EFCAB5: variants seen among roughly 807,000 people sequenced by gnomAD.
EFCAB5 encodes EF-hand calcium-binding domain-containing protein 5.
EFCAB5 carries 131 observed loss-of-function variants against 167.9 expected under a neutral mutation model. The ratio of observed to expected loss-of-function variants is 0.78; its 90% CI spans 0.68 to 0.90. EFCAB5 has a LOEUF of 0.90. Among genes scored for constraint, EFCAB5 ranks in the 40% least tolerant of loss-of-function variants. EFCAB5 has a pLI of 0.00. For missense variants in EFCAB5, 1,663 were observed against 1,745.2 expected, an observed-to-expected ratio of 0.95 and a Z score of 0.84; for synonymous variants, 574 against 602.8, an observed-to-expected ratio of 0.95 and a Z score of 0.70.
At chr17:30,003,828 G>A (rs1451491774) in intron 7 of EFCAB5, among the ~76,000 whole-genome samples, 2 of 152,080 alleles carry the variant, frequency 1.3e-5, no homozygotes, top group Non-Finnish European at 2.9e-5. Flanking sequence ...CATTCAAGTT[G>A]AGATTTTCCT....
chr17:30,068,555 A>C, intron 14 of EFCAB5: 1 of 796,882 alleles, frequency 1.3e-6, no homozygotes, highest in East Asian at 2.7e-5. Context: ...AATATTGTGA[A>C]AATGACCATA....
In EFCAB5 at chr17:30,107,934, A is replaced by G. The variant is rs2071470941; in HGVS notation, c.4422A>G (p.Gln1474=). Residue 1474 remains glutamine, a synonymous_variant, in exon 23 of 23, where the codon CAA becomes CAG. Coordinates refer to ENST00000394835, the MANE Select transcript of EFCAB5 (RefSeq NM_198529.4). ...ICSALMKITK[Q]LNSGITPPLP... ...CAGCTCTCATGAAGATAACCAAACA[A>G]CTAAATAGTGGTATTACACCTCCGT... The G allele has an allele frequency of 1.2e-6, 2 of 1,612,134 alleles. No individual in the cohort carries two copies. The highest frequency in any genetic ancestry group is 1.7e-4 in the Middle Eastern group (1 of 6,056).
chr17:30,042,741 A>C (rs1482360098), intron 8 of EFCAB5, among the ~76,000 whole-genome samples: 1 of 152,212 alleles, frequency 6.6e-6, no homozygotes, highest in Non-Finnish European at 1.5e-5. Flanking sequence ...AAATCTACAT[A>C]AACTCTTTGA....
chr17:30,011,002 G>A (rs1211699134), intron 7 of EFCAB5, among the ~76,000 whole-genome samples: 2 of 152,268 alleles, frequency 1.3e-5, no homozygotes. Flanking sequence ...TTCAGTTTAA[G>A]CTTTCTACAT....
Position 30,078,279 on chromosome 17 carries a change from A to G in EFCAB5, c.2802A>G (p.Gln934=), listed in dbSNP as rs756509063. 7.4e-6 allele frequency: 12 copies of G among 1,613,984 alleles called. No homozygotes were observed. The highest frequency in any genetic ancestry group is 1.0e-5 in the Non-Finnish European group (12 of 1,179,868). ...PGHEVRLSSK[Q]FQNYIELVVS... ...ACGAAGTGAGATTGTCTTCAAAACA[A>G]TTTCAGAATTACATAGAATTGGTTG... Residue 934 remains glutamine, a synonymous_variant, in exon 15 of 23, where the codon CAA becomes CAG. Transcript: ENST00000394835.
Position 30,097,408 on chromosome 17 carries a change from A to C in EFCAB5, c.4321+4472A>C, listed in dbSNP as rs546565609. 5.9e-5 allele frequency among the ~76,000 whole-genome samples: 9 copies of C among 152,354 alleles called. No individual in the cohort carries two copies. In the East Asian group the frequency reaches 1.7e-3, roughly 29 times the overall value. The stretch of plus-strand genomic sequence containing the variant: ...GTCACATAGAACTAAAAGCCTAAAA[A>C]GAGTCACTAGCCCATATCTTCTCTT... On this transcript the variant is annotated intron_variant, in intron 22 of 22. Transcript: ENST00000394835.
intron 3 of EFCAB5, among the ~76,000 whole-genome samples, chr17:29,946,436 T>TC (rs1241121400): frequency 7.4e-6 from 1 of 134,844 alleles, no homozygotes; most frequent in African/African-American, 2.8e-5. Context: ...TTTCTTTTTT[T>TC]TTTTTTTTTT....
intron 3 of EFCAB5, among the ~76,000 whole-genome samples, chr17:29,964,746 C>A (rs2067792350): frequency 6.6e-6 from 1 of 151,920 alleles, no homozygotes; most frequent in African/African-American, 2.4e-5. Flanking sequence ...TTCAAAGAAC[C>A]AATTTTTGGT....
intron 7 of EFCAB5, among the ~76,000 whole-genome samples, chr17:30,017,764 A>G (rs1301621804): frequency 6.6e-6 from 1 of 152,116 alleles, no homozygotes; most frequent in African/African-American, 2.4e-5. Context: ...ATATTTTCTC[A>G]TATCTTTCTT....
intron 14 of EFCAB5, among the ~76,000 whole-genome samples, chr17:30,077,356 AG>A (rs2070888363): frequency 6.6e-6 from 1 of 152,162 alleles, no homozygotes; most frequent in East Asian, 1.9e-4. Context: ...GTTGTTTAGA[AG>A]TGTGTGTGCA....
chr17:30,050,492 T>C (rs1292655874), intron 8 of EFCAB5, among the ~76,000 whole-genome samples: 2 of 152,230 alleles, frequency 1.3e-5, no homozygotes, highest in Non-Finnish European at 2.9e-5. Context: ...TCAGCCAGGC[T>C]GGACTGCAGT....
In EFCAB5 at chr17:30,023,351, C is replaced by A. The variant is rs2069231469; in HGVS notation, c.1045-10879C>A. 2.6e-5 allele frequency among the ~76,000 whole-genome samples: 4 copies of A among 151,930 alleles called. No individual in the cohort carries two copies. In the South Asian group the frequency reaches 8.3e-4, roughly 32 times the overall value. Reference sequence around the variant, plus strand: ...CAATAAAAAATGATAAAGGGGATATCACCACCGATCCCACAGAAATACAAA... The same window carrying A: ...CAATAAAAAATGATAAAGGGGATATAACCACCGATCCCACAGAAATACAAA... On this transcript the variant is annotated intron_variant, in intron 7 of 22. Coordinates refer to ENST00000394835, the MANE Select transcript of EFCAB5 (RefSeq NM_198529.4).
At chr17:30,069,536 G>C in intron 14 of EFCAB5, 1 of 1,612,196 alleles carries the variant, frequency 6.2e-7, no homozygotes. Flanking sequence ...AGACATAAGA[G>C]AGGCCATTAA....
At chr17:29,949,873 A>T (rs1385414147) in intron 3 of EFCAB5, among the ~76,000 whole-genome samples, 2 of 152,248 alleles carry the variant, frequency 1.3e-5, no homozygotes, top group East Asian at 3.8e-4. Context: ...AATGATAGCC[A>T]AGTACACTAG....
chr17:30,036,199 TAA>T (rs951258581), intron 8 of EFCAB5, among the ~76,000 whole-genome samples: 3 of 142,106 alleles, frequency 2.1e-5, no homozygotes, highest in Non-Finnish European at 3.0e-5. Context: ...ATATATCTTA[TAA>T]TATATATGTA....
At position 29,968,932 on chromosome 17, in the gene EFCAB5, A is replaced by C. The variant is rs751862588; in HGVS notation, c.332A>C (p.Glu111Ala). Residue 111 changes from glutamate (E) to alanine (A), a missense_variant, in exon 4 of 23, where the codon GAG becomes GCG. Transcript: ENST00000394835. ...GAAACTGAACTGAAATCAAAGCCAGAGCACACATGGAAGAAAAACCTTTTT... is the reference window on the plus strand; with the variant it reads ...GAAACTGAACTGAAATCAAAGCCAGCGCACACATGGAAGAAAAACCTTTTT... ...LDETELKSKPEHTWKKNLFER... is the reference protein window; with the variant it reads ...LDETELKSKPAHTWKKNLFER... 5 of 1,584,988 alleles carry C rather than the reference A, an allele frequency of 3.2e-6. No individual in the cohort carries two copies. Among genetic ancestry groups the C allele is most frequent in the Middle Eastern group, 1.7e-4 (1 of 6,022 alleles).
At chr17:30,090,300 C>A in intron 19 of EFCAB5, 121 bp from the exon 20 acceptor site, 1 of 1,300,784 alleles carries the variant, frequency 7.7e-7, no homozygotes, top group Non-Finnish European at 1.0e-6. Context: ...GATGAAACAG[C>A]AAGAAGGGCT....
chr17:29,966,308 T>A (rs189893953), intron 3 of EFCAB5, among the ~76,000 whole-genome samples: 1 of 152,310 alleles, frequency 6.6e-6, no homozygotes, highest in Admixed American at 6.5e-5. Flanking sequence ...GGCTTACACC[T>A]TCTGACACTT....
intron 7 of EFCAB5, among the ~76,000 whole-genome samples, chr17:30,025,376 C>T (rs1405618012): frequency 6.6e-6 from 1 of 152,166 alleles, no homozygotes; most frequent in Non-Finnish European, 1.5e-5. Context: ...ACAGACACTT[C>T]TCAAAAGAAG....
Sources: allele counts gnomAD v4.1 joint callset (sites outside exome capture counted in the v4.1 genomes callset), GRCh38; gene constraint gnomAD v4.1.1; transcripts MANE v1.5; gene names NCBI Gene and HGNC (gene_info 2026-07-23, HGNC 2026-07-21).